The following SLFNL1 variants were observed in gnomAD, a reference collection of about 807,000 sequenced individuals.
The protein encoded by SLFNL1 is schlafen-like protein 1.
Under a neutral mutation model 32.5 loss-of-function variants are expected in SLFNL1, and 26 were observed. The ratio of observed to expected loss-of-function variants is 0.80; its 90% CI spans 0.59 to 1.11. The LOEUF (loss-of-function observed/expected upper bound fraction) is 1.11. Among genes scored for constraint, SLFNL1 ranks in the 50% least tolerant of loss-of-function variants. SLFNL1 has a pLI of 0.00. For missense variants in SLFNL1, 553 were observed against 546.5 expected (o/e 1.01, Z -0.12); for synonymous variants, 255 against 242.2 (o/e 1.05, Z -0.49).
rs772347816 is a variant in SLFNL1 at position 41,017,421 on chromosome 1, G to A, written c.958-44C>T. On this transcript the variant is annotated intron_variant, in intron 4 of 5. Transcript: ENST00000302946. The surrounding 1 kb of genome is among the most constrained non-coding windows in gnomAD (Gnocchi z 4.9). ...AGCTCTGGAGGCGCCGCCCCTCACG[G>A]TCGGCAGCCCCCATCCTGCCAGGCT... 1 of 1,591,170 alleles carries A rather than the reference G, an allele frequency of 6.3e-7. No homozygotes were observed. Among genetic ancestry groups the A allele is most frequent in the South Asian group, 1.1e-5 (1 of 88,778 alleles).
rs1272547548 is a variant in SLFNL1, at chr1:41,020,554, T to TC, written c.106dup (p.Glu36GlyfsTer4). 6.2e-7 allele frequency: 1 copy of TC among 1,613,378 alleles called. No individual in the cohort carries two copies. The highest frequency in any genetic ancestry group is 1.3e-5 in the African/African-American group (1 of 74,926). ...GGGAGCCTCCTCGAGGTCAGAGTAC[T>TC]CCGTCAGGGACTGCTCTGCGGGTAG... On this transcript the variant is annotated frameshift_variant, in exon 3 of 6. Transcript: ENST00000302946. LOFTEE classifies it high-confidence loss of function.
At chr1:41,019,442 T>G (rs1028138570) in intron 3 of SLFNL1, among the ~76,000 whole-genome samples, 6 of 152,090 alleles carry the variant, frequency 3.9e-5, no homozygotes, top group African/African-American at 9.7e-5. Context: ...AAGCCAGCAG[T>G]TCAGCCTTGC....
Position 41,018,012 on chromosome 1 carries a change from CGCTGGGCCGGCCCTGGCAGCTCTGCAGCT to C in SLFNL1, c.551_579del (p.Gln184ArgfsTer38), listed in dbSNP as rs1480797900. ...ACAATGGCACTGTCGGAGCACACGC[CGCTGGGCCGGCCCTGGCAGCTCTGCAGCT>C]GCTGGGCCTGGGGCCTATCAGGCAG... On this transcript the variant is annotated frameshift_variant, in exon 4 of 6. Transcript: ENST00000302946. LOFTEE classifies it high-confidence loss of function. The C allele has an allele frequency of 5.0e-6, 8 of 1,603,206 alleles. No individual in the cohort carries two copies. The highest frequency in any genetic ancestry group is 6.8e-6 in the Non-Finnish European group (8 of 1,175,840).
chr1:41,017,631 T>A lies in SLFNL1; in HGVS notation c.957+4A>T. ...CCAGAGGCCCTCCTGTCCTGCAGGC[T>A]CACCTTGAGGGGGACGCTGGTCTCC... On this transcript the variant is annotated splice_donor_region_variant and intron_variant, in intron 4 of 5. Coordinates refer to ENST00000302946, the MANE Select transcript of SLFNL1 (RefSeq NM_144990.4). This position sits in a 1 kb window ranked among gnomAD's most constrained non-coding sequence, Gnocchi z 4.9. 2 of 1,520,372 alleles carry A rather than the reference T, an allele frequency of 1.3e-6. No homozygotes were observed. The highest frequency in any genetic ancestry group is 2.6e-5 in the South Asian group (2 of 76,412). 94.2% of individuals were successfully genotyped at this position (1,520,372 alleles called of 1,614,324 possible).
chr1:41,016,673 G>A (rs1643354331), intron 5 of SLFNL1: 1 of 162,244 alleles, frequency 6.2e-6, no homozygotes, highest in Non-Finnish European at 1.3e-5. Context: ...AGTAGAGGGT[G>A]AGGGGTTTCA....
intron 3 of SLFNL1, among the ~76,000 whole-genome samples, chr1:41,018,658 G>A (rs946459123): frequency 2.0e-5 from 3 of 151,874 alleles, no homozygotes; most frequent in Non-Finnish European, 2.9e-5. Context: ...TGACAAGTCC[G>A]CCCTAATCCC....
Position 41,016,018 on chromosome 1 carries a change from G to A in SLFNL1, c.*88C>T. On this transcript the variant is annotated 3_prime_UTR_variant, in exon 6 of 6. Transcript: ENST00000302946. ...GTCCGCCTCTCAGCAGCCCGCATGG[G>A]CTTTACTGGTTGGCCTTACACTCAA... 49 of 1,515,908 alleles carry A rather than the reference G, an allele frequency of 3.2e-5. No individual in the cohort carries two copies. The highest frequency in any genetic ancestry group is 4.3e-5 in the Non-Finnish European group (49 of 1,126,754). 93.9% of individuals were successfully genotyped at this position (1,515,908 alleles called of 1,614,324 possible). A position where few individuals can be genotyped will look rare whatever the true frequency, so the allele number is the denominator to read the frequency against.
chr1:41,017,808 C>G lies in SLFNL1; in HGVS notation c.784G>C (p.Val262Leu). 7 of 1,600,492 alleles carry G rather than the reference C, an allele frequency of 4.4e-6. No individual in the cohort carries two copies. Among genetic ancestry groups the G allele is most frequent in the Non-Finnish European group, 5.1e-6 (6 of 1,170,514 alleles). Residue 262 changes from valine to leucine, a missense_variant, in exon 4 of 6, where the codon GTA becomes CTA. Transcript: ENST00000302946. The surrounding 1 kb of genome is among the most constrained non-coding windows in gnomAD (Gnocchi z 4.9). ...CCCTGCACCAGGCCGCTGTCCTCTA[C>G]TCCCACGAGCAGGCTGCCGCCCTCG... Reference protein sequence around the residue: ...NSEGGSLLVGVEDSGLVQGIR... With the variant: ...NSEGGSLLVGLEDSGLVQGIR...
intron 3 of SLFNL1, among the ~76,000 whole-genome samples, chr1:41,018,826 C>CG (rs1643573888): frequency 8.7e-6 from 1 of 115,050 alleles, no homozygotes; most frequent in East Asian, 2.6e-4. Flanking sequence ...GTCAACCCTC[C>CG]TGTTTTTTTT....
chr1:41,017,117 C>T lies in SLFNL1; in HGVS notation c.1101+117G>A, dbSNP rs1386329709. On this transcript the variant is annotated intron_variant, in intron 5 of 5. Coordinates refer to ENST00000302946, the MANE Select transcript of SLFNL1 (RefSeq NM_144990.4). The surrounding 1 kb of genome is among the most constrained non-coding windows in gnomAD (Gnocchi z 4.9). ...TTGTATTCCAACCCCTTGGGTTCAA[C>T]GGGGTGATGCAGGACCCAGGGAACC... 15 of 1,281,990 alleles carry T rather than the reference C, an allele frequency of 1.2e-5. No individual in the cohort carries two copies. Among genetic ancestry groups the T allele is most frequent in the Middle Eastern group, 2.8e-4 (1 of 3,632 alleles). The allele number at this position is 1,281,990 out of a possible 1,614,324, so 79.4% of individuals were successfully genotyped here. A position where few individuals can be genotyped will look rare whatever the true frequency, so the allele number is the denominator to read the frequency against.
In SLFNL1 at chr1:41,017,697, C is replaced by T. The variant is rs139214565; in HGVS notation, c.895G>A (p.Asp299Asn). The T allele has an allele frequency of 2.4e-4, 382 of 1,580,350 alleles. 1 individual carries two copies. In the African/African-American group the frequency reaches 4.0e-3, roughly 16 times the overall value. Residue 299 changes from aspartate (D) to asparagine (N), a missense_variant, in exon 4 of 6, where the codon GAT becomes AAT. By Grantham distance (23) the Asp-to-Asn change is conservative. Transcript: ENST00000302946. This position sits in a 1 kb window ranked among gnomAD's most constrained non-coding sequence, Gnocchi z 4.9. ...GGGATGAAGGTGAGAGTGTAGGCAT[C>T]GGGAAAGATCTGAGGCTTGAAGCCC... ...LQGFKPQIFP[D>N]AYTLTFIPVI... is the part of the protein sequence containing the mutation.
Position 41,017,842 on chromosome 1 carries a change from G to T in SLFNL1, c.750C>A (p.Phe250Leu). ...KHHVRRYVCAFLNSEGGSLLV... is the reference protein window; with the variant it reads ...KHHVRRYVCALLNSEGGSLLV... The stretch of plus-strand genomic sequence containing the variant: ...GCAGGCTGCCGCCCTCGCTGTTGAG[G>T]AAGGCGCACACGTAGCGCCGCACGT... Residue 250 changes from phenylalanine (F) to leucine (L), a missense_variant, in exon 4 of 6, where the codon TTC becomes TTA. Coordinates refer to ENST00000302946, the MANE Select transcript of SLFNL1 (RefSeq NM_144990.4). The surrounding 1 kb of genome is among the most constrained non-coding windows in gnomAD (Gnocchi z 4.9). 1 of 1,600,228 alleles carries T rather than the reference G, an allele frequency of 6.2e-7. No homozygotes were observed. Among genetic ancestry groups the T allele is most frequent in the Non-Finnish European group, 8.5e-7 (1 of 1,169,766 alleles).
rs1195296736 is a variant in SLFNL1, at chr1:41,017,426, C to G, written c.958-49G>C. On this transcript the variant is annotated intron_variant, in intron 4 of 5. Coordinates refer to ENST00000302946, the MANE Select transcript of SLFNL1 (RefSeq NM_144990.4). The surrounding 1 kb of genome is among the most constrained non-coding windows in gnomAD (Gnocchi z 4.9). Reference sequence around the variant, plus strand: ...TGGAGGCGCCGCCCCTCACGGTCGGCAGCCCCCATCCTGCCAGGCTGCTCA... The same window carrying G: ...TGGAGGCGCCGCCCCTCACGGTCGGGAGCCCCCATCCTGCCAGGCTGCTCA... 1.3e-6 allele frequency: 2 copies of G among 1,587,110 alleles called. No homozygotes were observed. The highest frequency in any genetic ancestry group is 1.7e-6 in the Non-Finnish European group (2 of 1,166,338).
chr1:41,015,964 T>G lies in SLFNL1; in HGVS notation c.*142A>C, dbSNP rs1160213134. The G allele has an allele frequency of 8.6e-7, 1 of 1,164,496 alleles. No individual in the cohort carries two copies. The highest frequency in any genetic ancestry group is 1.2e-6 in the Non-Finnish European group (1 of 835,010). The allele number at this position is 1,164,496 out of a possible 1,614,324, so 72.1% of individuals were successfully genotyped here. The stretch of plus-strand genomic sequence containing the variant: ...TCAGGGTTGAAGCCACATGGGTGCC[T>G]GCTCATGTGCCATGTTGAAGGAGTC... On this transcript the variant is annotated 3_prime_UTR_variant, in exon 6 of 6. Transcript: ENST00000302946.
chr1:41,017,616 T>A lies in SLFNL1; in HGVS notation c.957+19A>T, dbSNP rs1312988660. On this transcript the variant is annotated intron_variant, in intron 4 of 5. Transcript: ENST00000302946. The surrounding 1 kb of genome is among the most constrained non-coding windows in gnomAD (Gnocchi z 4.9). ...TGACAGATGACAGGCCCAGAGGCCCTCCTGTCCTGCAGGCTCACCTTGAGG... is the reference window on the plus strand; with the variant it reads ...TGACAGATGACAGGCCCAGAGGCCCACCTGTCCTGCAGGCTCACCTTGAGG... The A allele has an allele frequency of 6.6e-7, 1 of 1,516,244 alleles. No homozygotes were observed. The highest frequency in any genetic ancestry group is 8.8e-7 in the Non-Finnish European group (1 of 1,131,668). 93.9% of individuals were successfully genotyped at this position (1,516,244 alleles called of 1,614,324 possible). A position where few individuals can be genotyped will look rare whatever the true frequency, so the allele number is the denominator to read the frequency against.
chr1:41,018,378 C>T (rs1196314773), intron 3 of SLFNL1: 2 of 456,818 alleles, frequency 4.4e-6, no homozygotes, highest in Non-Finnish European at 7.6e-6. Flanking sequence ...CGCTCCTTTC[C>T]CTGCCAAGCT....
chr1:41,017,377 C>T lies in SLFNL1; in HGVS notation c.958G>A (p.Val320Met). The T allele has an allele frequency of 1.2e-6, 2 of 1,612,208 alleles. No individual in the cohort carries two copies. Among genetic ancestry groups the T allele is most frequent in the Non-Finnish European group, 1.7e-6 (2 of 1,179,160 alleles). ...STSETSVPLK[V>M]IRLTVHTPKA... is the part of the protein sequence containing the mutation. ...GGGGTGTGCACGGTCAGGCGGATCA[C>T]CTTGGTAGGGGCAACAGCAGCTCTG... The change falls in exon 5 of 6, where the codon GTG becomes ATG. Residue 320 changes from valine (V) to methionine (M), a missense_variant and splice_region_variant. Transcript: ENST00000302946. The surrounding 1 kb of genome is among the most constrained non-coding windows in gnomAD (Gnocchi z 4.9).
At position 41,020,654 on chromosome 1, in the gene SLFNL1, G is replaced by A. The variant is rs114966747; in HGVS notation, c.7C>T (p.Pro3Ser). 5.0e-4 allele frequency: 806 copies of A among 1,604,798 alleles called. 1 individual carries two copies. The highest frequency in any genetic ancestry group is 6.6e-4 in the Non-Finnish European group (769 of 1,173,170). Residue 3 changes from proline to serine, a missense_variant, in exon 3 of 6, where the codon CCC becomes TCC. By Grantham distance (74) the Pro-to-Ser change is moderately conservative. Transcript: ENST00000302946. MT[P>S]MKRSVQTQVS... ...TGTGTTTGCACTGATCTCTTCATGG[G>A]GGTCATGGGAAGGCTCTCCCTGGGA...
rs762696363 is a variant in SLFNL1, at chr1:41,017,766, G to A, written c.826C>T (p.Arg276Cys). The A allele has an allele frequency of 5.6e-6, 9 of 1,607,414 alleles. No homozygotes were observed. Among genetic ancestry groups the A allele is most frequent in the African/African-American group, 2.7e-5 (2 of 74,836 alleles). ...AGCAGGCGTGCGCGGTCCTCGTCACGGTGGCTGCAGCGGATGCCCTGCACC... is the reference window on the plus strand; with the variant it reads ...AGCAGGCGTGCGCGGTCCTCGTCACAGTGGCTGCAGCGGATGCCCTGCACC... ...GLVQGIRCSH[R>C]DEDRARLLVD... Residue 276 changes from arginine to cysteine, a missense_variant, in exon 4 of 6, where the codon CGT (arginine) becomes TGT (cysteine). Transcript: ENST00000302946. This position sits in a 1 kb window ranked among gnomAD's most constrained non-coding sequence, Gnocchi z 4.9.
Sources: allele counts gnomAD v4.1 joint callset (sites outside exome capture counted in the v4.1 genomes callset), GRCh38; gene constraint gnomAD v4.1.1; non-coding constraint Gnocchi (gnomAD v3.1); transcripts MANE v1.5; gene names NCBI Gene and HGNC (gene_info 2026-07-23, HGNC 2026-07-21).